The following RYR1 variants were observed in gnomAD, a reference collection of about 807,000 sequenced individuals.
The protein encoded by RYR1 is ryanodine receptor 1, also known as central core disease of muscle.
RYR1 carries 342 observed loss-of-function variants against 583.5 expected under a neutral mutation model. That is an observed-to-expected ratio of 0.59 (90% CI 0.54 to 0.64). The LOEUF (loss-of-function observed/expected upper bound fraction) is 0.64, where lower values mean the gene tolerates loss of function less well. Ranked by LOEUF, RYR1 falls within the 30% of genes least tolerant of loss-of-function variation. RYR1 has a pLI of 0.00. For synonymous variants in RYR1, 2,791 were observed against 2,822.5 expected, an observed-to-expected ratio of 0.99 and a Z score of 0.35; for missense variants, 6,032 against 6,917.2, an observed-to-expected ratio of 0.87 and a Z score of 4.54.
In RYR1 at chr19:38,460,411, C is replaced by A. The variant is rs780848817; in HGVS notation, c.2397C>A (p.Phe799Leu). 6.2e-7 allele frequency: 1 copy of A among 1,614,158 alleles called. No homozygotes were observed. Among genetic ancestry groups the A allele is most frequent in the East Asian group, 2.2e-5 (1 of 44,874 alleles). ...TCCTTGGTGGCCGCCATGGTGAATT[C>A]AAGTTCCTGCCCCCACCTGGCTATG... Reference protein sequence around the residue: ...RFLLGGRHGEFKFLPPPGYAP... With the variant: ...RFLLGGRHGELKFLPPPGYAP... Residue 799 changes from phenylalanine to leucine, a missense_variant, in exon 20 of 106, where the codon TTC becomes TTA. Physicochemically the swap from Phe to Leu is conservative, Grantham distance 22 (BLOSUM62 0). This residue lies in a region of RYR1 where 2,627 missense variants were observed against 2,961.3 expected (regional missense o/e 0.89). Transcript: ENST00000359596.
At chr19:38,529,194 T>C in intron 76 of RYR1, 137 bp downstream of exon 76, 1 of 873,476 alleles carries the variant, frequency 1.1e-6, no homozygotes, top group Non-Finnish European at 1.9e-6. Context: ...TAAATATCAC[T>C]TTGCTGGTCA....
At position 38,463,831 on chromosome 19, in the gene RYR1, A is replaced by G. The variant is rs149913097; in HGVS notation, c.2767A>G (p.Met923Val). Reference sequence around the variant, plus strand: ...GCCTGAGAGGAACTACAACCTGCAGATGTCTGGGGAGACGCTCAAGTGAGG... The same window carrying G: ...GCCTGAGAGGAACTACAACCTGCAGGTGTCTGGGGAGACGCTCAAGTGAGG... Reference protein sequence around the residue: ...PEPERNYNLQMSGETLKTLLA... With the variant: ...PEPERNYNLQVSGETLKTLLA... The change falls in exon 22 of 106, where the codon ATG (methionine) becomes GTG (valine). Residue 923 changes from methionine (M) to valine (V), a missense_variant. By Grantham distance (21) the Met-to-Val change is conservative (BLOSUM62 1). Around this residue, in one of 11 missense-constraint regions of RYR1, gnomAD observed 2,627 missense variants for 2,961.3 expected, o/e 0.89. Transcript: ENST00000359596. 36 of 1,601,500 alleles carry G rather than the reference A, an allele frequency of 2.2e-5. No individual in the cohort carries two copies. The African/African-American group carries it at 4.7e-4, about 21-fold the overall frequency.
At position 38,469,491 on chromosome 19, in the gene RYR1, C is replaced by T. The variant is rs1356032710; in HGVS notation, c.3743C>T (p.Pro1248Leu). Residue 1248 changes from proline (P) to leucine (L), a missense_variant, in exon 27 of 106, where the codon CCC becomes CTC. Coordinates refer to ENST00000359596, the MANE Select transcript of RYR1 (RefSeq NM_000540.3). ...SKGLPQFEPVPLEHPHYEVSR... is the reference protein window; with the variant it reads ...SKGLPQFEPVLLEHPHYEVSR... Reference sequence around the variant, plus strand: ...GGCCTGCCCCAGTTTGAGCCAGTGCCCCTTGAACACCCTCACTATGAGGTA... The same window carrying T: ...GGCCTGCCCCAGTTTGAGCCAGTGCTCCTTGAACACCCTCACTATGAGGTA... 3 of 1,614,138 alleles carry T rather than the reference C, an allele frequency of 1.9e-6. No individual in the cohort carries two copies. The highest frequency in any genetic ancestry group is 2.2e-5 in the South Asian group (2 of 91,088).
chr19:38,481,313 G>T (rs1430457977), intron 31 of RYR1, among the ~76,000 whole-genome samples: 1 of 152,014 alleles, frequency 6.6e-6, no homozygotes, highest in African/African-American at 2.4e-5. Context: ...TTTTTGTAGA[G>T]ACGGTGTTTT....
At chr19:38,446,191 CAG>C (rs1235004370) in intron 7 of RYR1, among the ~76,000 whole-genome samples, 1 of 152,030 alleles carries the variant, frequency 6.6e-6, no homozygotes, top group African/African-American at 2.4e-5. Flanking sequence ...AGTCCAAACT[CAG>C]AACCTTAAAT....
At chr19:38,491,836 A>G (rs1969565109) in intron 37 of RYR1, among the ~76,000 whole-genome samples, 1 of 151,528 alleles carries the variant, frequency 6.6e-6, no homozygotes, top group South Asian at 2.1e-4. Flanking sequence ...ATGCTGTTGA[A>G]CCCCCCTAAT....
At chr19:38,579,517 G>GT (rs1974104496) in intron 99 of RYR1, among the ~76,000 whole-genome samples, 1 of 150,968 alleles carries the variant, frequency 6.6e-6, no homozygotes, top group Non-Finnish European at 1.5e-5. Flanking sequence ...TTGAACCTGA[G>GT]AGGCGGAGGT....
chr19:38,528,261 G>T, intron 73 of RYR1, 45 bp from the exon 74 acceptor site: 1 of 1,526,726 alleles, frequency 6.5e-7, no homozygotes, highest in East Asian at 2.3e-5. Flanking sequence ...GGGAGTGAGA[G>T]GGGCAGGGTC....
Position 38,499,835 on chromosome 19 carries a change from C to A in RYR1, c.7214+14C>A. ...GCGGCGCGAGCAGTGAGTCTCCCGG[C>A]CCCCTCCTCAATAGGGCAACCCGCC... is the stretch of plus-strand genomic sequence containing the variant. On this transcript the variant is annotated intron_variant, in intron 44 of 105. Coordinates refer to ENST00000359596, the MANE Select transcript of RYR1 (RefSeq NM_000540.3). This position sits in a 1 kb window ranked among gnomAD's most constrained non-coding sequence, Gnocchi z 7.3. 1.2e-6 allele frequency: 2 copies of A among 1,609,492 alleles called. No homozygotes were observed. Among genetic ancestry groups the A allele is most frequent in the Non-Finnish European group, 1.7e-6 (2 of 1,179,488 alleles).
intron 28 of RYR1, 147 bp from the exon 29 acceptor site, chr19:38,475,171 G>A: frequency 1.9e-6 from 2 of 1,050,342 alleles, no homozygotes; most frequent in Non-Finnish European, 1.4e-6. Flanking sequence ...GATTAGTCTG[G>A]GGTAGGTGGG....
At chr19:38,451,674 C>A in intron 11 of RYR1, 90 bp from the exon 12 acceptor site, 7 of 1,481,768 alleles carry the variant, frequency 4.7e-6, no homozygotes, top group Non-Finnish European at 5.6e-6. Flanking sequence ...GAGGAGGGGG[C>A]AAGTGCAGAA....
At chr19:38,478,341 G>A in intron 30 of RYR1, 94 bp from the exon 31 acceptor site, 1 of 1,409,340 alleles carries the variant, frequency 7.1e-7, no homozygotes, top group Non-Finnish European at 9.9e-7. Flanking sequence ...ATGGGACTCT[G>A]AGGTTGTGTG....
Position 38,517,623 on chromosome 19 carries a change from G to A in RYR1, c.9950G>A (p.Gly3317Glu). The change falls in exon 66 of 106, where the codon GGG becomes GAG. Residue 3317 changes from glycine (G) to glutamate (E), a missense_variant. Gly to Glu is a moderately conservative substitution (Grantham distance 98, BLOSUM62 -2). Transcript: ENST00000359596. ...VTSDHLNSLL[G>E]NILRIIVNNL... ...TCTGACCACCTCAACTCCCTGCTGG[G>A]GAATATCCTGAGAATCATCGTCAAC... 1 of 1,614,192 alleles carries A rather than the reference G, an allele frequency of 6.2e-7. No individual in the cohort carries two copies. Among genetic ancestry groups the A allele is most frequent in the Non-Finnish European group, 8.5e-7 (1 of 1,180,042 alleles).
chr19:38,474,425 G>C (rs185522882), intron 28 of RYR1, among the ~76,000 whole-genome samples: 1,784 of 151,950 alleles, frequency 0.012, 38 homozygotes, highest in African/African-American at 0.041. Flanking sequence ...ACCATGCCCA[G>C]CTAATTTTTG....
chr19:38,553,030 G>A (rs184736233), intron 89 of RYR1, among the ~76,000 whole-genome samples: 13 of 152,144 alleles, frequency 8.5e-5, no homozygotes, highest in African/African-American at 3.1e-4. Context: ...AATTACTCAC[G>A]ATTTTAAAAA....
chr19:38,566,282 C>G (rs1443214400), intron 91 of RYR1, among the ~76,000 whole-genome samples: 6 of 151,432 alleles, frequency 4.0e-5, no homozygotes, highest in African/African-American at 1.5e-4. Flanking sequence ...AACCCCGTCT[C>G]TACTAAAAAT....
intron 39 of RYR1, among the ~76,000 whole-genome samples, chr19:38,495,928 A>G (rs528183008): frequency 1.3e-5 from 2 of 152,040 alleles, no homozygotes; most frequent in South Asian, 4.2e-4. Context: ...ACGCCTGGCT[A>G]ATTTTTGTAT....
chr19:38,528,087 G>T, intron 73 of RYR1: 2 of 632,620 alleles, frequency 3.2e-6, no homozygotes, highest in Non-Finnish European at 5.6e-6. Flanking sequence ...TCGTGGCCTG[G>T]CTCGTGGTCC....
At chr19:38,492,733 C>A in intron 38 of RYR1, 97 bp downstream of exon 38, 1 of 1,301,918 alleles carries the variant, frequency 7.7e-7, no homozygotes, top group Non-Finnish European at 1.1e-6. Flanking sequence ...AGGACAGATG[C>A]AAGGGAGGGG....
Sources: allele counts gnomAD v4.1 joint callset (sites outside exome capture counted in the v4.1 genomes callset), GRCh38; gene constraint gnomAD v4.1.1; regional missense constraint gnomAD v4.1.1; non-coding constraint Gnocchi (gnomAD v3.1); transcripts MANE v1.5; gene names NCBI Gene and HGNC (gene_info 2026-07-23, HGNC 2026-07-21).